LRP11: variants seen among roughly 807,000 people sequenced by gnomAD.
The protein encoded by LRP11 is low-density lipoprotein receptor-related protein 11.
LRP11 carries 25 observed loss-of-function variants against 43.1 expected under a neutral mutation model. The ratio of observed to expected loss-of-function variants is 0.58; its 90% CI spans 0.42 to 0.81. The LOEUF is 0.81. Among genes scored for constraint, LRP11 ranks in the 30% least tolerant of loss-of-function variants. The pLI, the probability that LRP11 is intolerant of heterozygous loss-of-function variation, is 0.00. For synonymous variants in LRP11, 316 were observed against 299.4 expected, an observed-to-expected ratio of 1.06 and a Z score of -0.57; for missense variants, 623 against 665.1, an observed-to-expected ratio of 0.94 and a Z score of 0.70.
chr6:149,853,483 A>G (rs538212418), intron 1 of LRP11, among the ~76,000 whole-genome samples: 38 of 152,278 alleles, frequency 2.5e-4, no homozygotes, highest in African/African-American at 8.7e-4. Flanking sequence ...TAAGTTCAAA[A>G]TACTGTTAAA....
intron 5 of LRP11, among the ~76,000 whole-genome samples, chr6:149,829,571 T>C (rs917364555): frequency 4.7e-5 from 7 of 149,910 alleles, no homozygotes; most frequent in African/African-American, 1.5e-4. Flanking sequence ...AAAAAATAAA[T>C]AAAATAAAAT....
chr6:149,856,834 G>GTA (rs1469545329), intron 1 of LRP11, among the ~76,000 whole-genome samples: 1 of 152,152 alleles, frequency 6.6e-6, no homozygotes, highest in Non-Finnish European at 1.5e-5. Context: ...GGAACGAATG[G>GTA]TATAGCTCAG....
intron 2 of LRP11, among the ~76,000 whole-genome samples, chr6:149,849,323 G>T (rs1776685437): frequency 6.6e-6 from 1 of 152,122 alleles, no homozygotes; most frequent in Non-Finnish European, 1.5e-5. Flanking sequence ...TGAAAAATAT[G>T]TGTCATCTTG....
chr6:149,820,779 G>C (rs192742813), intron 6 of LRP11, 76 bp from the exon 7 acceptor site: 1 of 719,180 alleles, frequency 1.4e-6, no homozygotes, highest in South Asian at 1.5e-5. Flanking sequence ...TATATGATAC[G>C]CGCTTTGCAT....
At chr6:149,856,523 G>C (rs980298011) in intron 1 of LRP11, among the ~76,000 whole-genome samples, 17 of 152,302 alleles carry the variant, frequency 1.1e-4, no homozygotes, top group Non-Finnish European at 2.2e-4. Flanking sequence ...AAGAGGAAGG[G>C]AGTGTGCCAT....
At chr6:149,836,454 C>T (rs879418429) in intron 4 of LRP11, among the ~76,000 whole-genome samples, 157 bp from the exon 5 acceptor site, 16 of 152,164 alleles carry the variant, frequency 1.1e-4, no homozygotes, top group Non-Finnish European at 1.6e-4. Context: ...TCTATTCTCA[C>T]GTTTTCAAAT....
At chr6:149,849,200 T>C (rs1449748589) in intron 2 of LRP11, among the ~76,000 whole-genome samples, 1 of 152,242 alleles carries the variant, frequency 6.6e-6, no homozygotes, top group Non-Finnish European at 1.5e-5. Context: ...CCAAATCTCC[T>C]GAATGTCCTA....
intron 1 of LRP11, among the ~76,000 whole-genome samples, chr6:149,859,394 ATATT>A (rs1776853074): frequency 1.4e-5 from 1 of 73,874 alleles, no homozygotes; most frequent in African/African-American, 8.9e-5. Flanking sequence ...ATATATATAT[ATATT>A]TTTTTTTTTT....
rs866106031 is a variant in LRP11 at position 149,864,138 on chromosome 6, C to G, written c.-118G>C. ...CGCGGCCGCGGCTGGCTCTAGGCCC[C>G]GGCCTCACAGCGCGGCGCCCCCGAA... On this transcript the variant is annotated 5_prime_UTR_variant, in exon 1 of 7. Transcript: ENST00000239367. 1.5e-5 allele frequency: 17 copies of G among 1,164,662 alleles called. No individual in the cohort carries two copies. The Middle Eastern group carries it at 1.4e-3, about 95-fold the overall frequency. The allele number at this position is 1,164,662 out of a possible 1,614,324, so 72.1% of individuals were successfully genotyped here. A position where few individuals can be genotyped will look rare whatever the true frequency, so the allele number is the denominator to read the frequency against.
At position 149,853,306 on chromosome 6, in the gene LRP11, T is replaced by G; in HGVS notation, c.614-146A>C. ...AAATGGAAATTATTTTTCTATTTAT[T>G]TTATGATCGTGGAATTTAGCTATAA... On this transcript the variant is annotated intron_variant, in intron 1 of 6. Coordinates refer to ENST00000239367, the MANE Select transcript of LRP11 (RefSeq NM_032832.6). The G allele has an allele frequency of 5.7e-6, 4 of 697,764 alleles. No homozygotes were observed. In the South Asian group the frequency reaches 1.1e-4, roughly 19 times the overall value. 43.2% of individuals were successfully genotyped at this position (697,764 alleles called of 1,614,324 possible).
rs749128783 is a variant in LRP11 at position 149,863,600 on chromosome 6, A to C, written c.421T>G (p.Ser141Ala). The change falls in exon 1 of 7, where the codon TCC becomes GCC. Residue 141 changes from serine to alanine, a missense_variant. By Grantham distance (99) the Ser-to-Ala change is moderately conservative. Transcript: ENST00000239367. Reference sequence around the variant, plus strand: ...CGGGGCAGCTCCACCACGGCCACGGAGCAGCGCGGCTCGGAGCAGCAGGCC... The same window carrying C: ...CGGGGCAGCTCCACCACGGCCACGGCGCAGCGCGGCTCGGAGCAGCAGGCC... ...VAACCSEPRC[S>A]VAVVELPRRP... 2 of 1,451,450 alleles carry C rather than the reference A, an allele frequency of 1.4e-6. No individual in the cohort carries two copies. Among genetic ancestry groups the C allele is most frequent in the Non-Finnish European group, 1.8e-6 (2 of 1,108,750 alleles). The allele number at this position is 1,451,450 out of a possible 1,614,324, so 89.9% of individuals were successfully genotyped here. A position where few individuals can be genotyped will look rare whatever the true frequency, so the allele number is the denominator to read the frequency against.
At chr6:149,826,953 GA>G (rs1776348321) in intron 5 of LRP11, among the ~76,000 whole-genome samples, 1 of 147,658 alleles carries the variant, frequency 6.8e-6, no homozygotes, top group South Asian at 2.1e-4. Flanking sequence ...TACTGAGGGG[GA>G]AATTATTATT....
chr6:149,857,963 T>C (rs1045578500), intron 1 of LRP11, among the ~76,000 whole-genome samples: 1 of 152,248 alleles, frequency 6.6e-6, no homozygotes, highest in Non-Finnish European at 1.5e-5. Context: ...TATTATCATC[T>C]GCATAATACT....
intron 4 of LRP11, 30 bp downstream of exon 4, chr6:149,837,308 C>G: frequency 1.9e-6 from 3 of 1,606,518 alleles, no homozygotes; most frequent in Non-Finnish European, 2.6e-6. Context: ...CTTCCAGCCA[C>G]TGCCTAGCAA....
At chr6:149,850,714 T>C (rs1167948355) in intron 2 of LRP11, among the ~76,000 whole-genome samples, 1 of 152,226 alleles carries the variant, frequency 6.6e-6, no homozygotes, top group East Asian at 1.9e-4. Context: ...TACCCCTATA[T>C]ACCTAATTTT....
Position 149,821,444 on chromosome 6 carries a change from G to C in LRP11, c.1349-741C>G, listed in dbSNP as rs1287591005. On this transcript the variant is annotated intron_variant, in intron 6 of 6. Coordinates refer to ENST00000239367, the MANE Select transcript of LRP11 (RefSeq NM_032832.6). ...AACTAACTCCTGATTTCTTGTTCTA[G>C]TTAGGGCTTAAGAAATTTATTTCCT... 2.6e-5 allele frequency among the ~76,000 whole-genome samples: 4 copies of C among 152,192 alleles called. No homozygotes were observed. The East Asian group carries it at 7.7e-4, about 29-fold the overall frequency.
chr6:149,826,629 A>G (rs1353908070), intron 5 of LRP11, among the ~76,000 whole-genome samples: 1 of 152,004 alleles, frequency 6.6e-6, no homozygotes, highest in East Asian at 1.9e-4. Context: ...CCTCTTGGAG[A>G]AGGGAGATCT....
chr6:149,830,360 T>C (rs1025595463), intron 5 of LRP11, among the ~76,000 whole-genome samples: 11 of 152,174 alleles, frequency 7.2e-5, no homozygotes, highest in Non-Finnish European at 1.5e-4. Context: ...GAGAAGTTGA[T>C]TACTTAGTAG....
intron 5 of LRP11, 33 bp downstream of exon 5, chr6:149,836,052 G>T: frequency 6.3e-7 from 1 of 1,583,552 alleles, no homozygotes; most frequent in Non-Finnish European, 8.7e-7. Flanking sequence ...AGAAAACAAG[G>T]TTCTTCATTG....
Sources: gnomAD v4.1 joint callset for allele counts (sites outside exome capture counted in the v4.1 genomes callset) on GRCh38, gnomAD v4.1.1 for gene constraint, MANE v1.5 for transcripts, NCBI Gene and HGNC (gene_info 2026-07-23, HGNC 2026-07-21) for gene names.